The following B3GALT1 variants were observed in gnomAD, a reference collection of about 807,000 sequenced individuals.
B3GALT1 encodes the protein UDP-Gal:betaGlcNAc beta 1,3-galactosyltransferase, polypeptide 1.
A neutral mutation model predicts 23.2 loss-of-function variants in B3GALT1; 10 were observed. The observed-to-expected ratio is 0.43, with a 90% CI of 0.27 to 0.73. The LOEUF is 0.73. B3GALT1 is among the 30% of genes least tolerant of loss of function. B3GALT1 has a pLI of 0.21. For synonymous variants in B3GALT1, 156 were observed against 141.5 expected (o/e 1.10, Z -0.73); for missense variants, 299 against 405.4 (o/e 0.74, Z 2.25).
chr2:167,622,209 A>G (rs952237870), intron 2 of B3GALT1, among the ~76,000 whole-genome samples: 1 of 152,086 alleles, frequency 6.6e-6, no homozygotes, highest in African/African-American at 2.4e-5. Flanking sequence ...ACTTTAGCCA[A>G]TGATGATTAT....
chr2:167,664,430 G>C (rs896963085), intron 3 of B3GALT1, among the ~76,000 whole-genome samples: 2 of 152,022 alleles, frequency 1.3e-5, no homozygotes, highest in African/African-American at 4.8e-5. Context: ...GCTTAGGATT[G>C]ACTTGGCAAT....
intron 1 of B3GALT1, among the ~76,000 whole-genome samples, chr2:167,372,306 A>T (rs575326645): frequency 1.1e-4 from 16 of 152,214 alleles, no homozygotes; most frequent in South Asian, 2.1e-4. Context: ...TGAATTTTTT[A>T]AAAAATTTCA....
At chr2:167,641,412 C>A (rs1314302549) in intron 2 of B3GALT1, among the ~76,000 whole-genome samples, 2 of 152,116 alleles carry the variant, frequency 1.3e-5, no homozygotes, top group African/African-American at 2.4e-5. Context: ...TGACCAGGGG[C>A]AAGTTATTAA....
chr2:167,453,209 A>C lies in B3GALT1; in HGVS notation c.-510-36968A>C, dbSNP rs192379751. On this transcript the variant is annotated intron_variant, in intron 1 of 4. Coordinates refer to ENST00000392690, the MANE Select transcript of B3GALT1 (RefSeq NM_020981.4). ...GGCCTGATGTGCACACCTTCACTAT[A>C]AGATAAATGTGCTGGCGAGGCTAGC... Among the ~76,000 whole-genome samples the C allele has an allele frequency of 7.9e-5, 12 of 152,256 alleles. No individual in the cohort carries two copies. In the East Asian group the frequency reaches 2.3e-3, roughly 29 times the overall value.
intron 3 of B3GALT1, among the ~76,000 whole-genome samples, chr2:167,731,964 T>A (rs1558962123): frequency 1.3e-5 from 2 of 152,220 alleles, no homozygotes; most frequent in Non-Finnish European, 2.9e-5. Context: ...TGCTTTTGAC[T>A]TATGACGATT....
At chr2:167,384,257 G>C (rs1022884414) in intron 1 of B3GALT1, among the ~76,000 whole-genome samples, 1 of 152,034 alleles carries the variant, frequency 6.6e-6, no homozygotes, top group Non-Finnish European at 1.5e-5. Flanking sequence ...TATCTTTTCT[G>C]GATCCTTAAA....
At chr2:167,800,421 C>A (rs1688620013) in intron 3 of B3GALT1, among the ~76,000 whole-genome samples, 1 of 152,152 alleles carries the variant, frequency 6.6e-6, no homozygotes, top group East Asian at 1.9e-4. Context: ...ACTACCCTCC[C>A]CACACCCATT....
intron 1 of B3GALT1, among the ~76,000 whole-genome samples, chr2:167,349,934 C>T (rs992759977): frequency 2.6e-5 from 4 of 152,004 alleles, no homozygotes; most frequent in African/African-American, 9.7e-5. Context: ...AGGAATGTAA[C>T]CCCAATCAAT....
intron 1 of B3GALT1, among the ~76,000 whole-genome samples, chr2:167,472,195 G>A (rs1699426783): frequency 6.6e-6 from 1 of 152,186 alleles, no homozygotes; most frequent in South Asian, 2.1e-4. Flanking sequence ...CAATCGTTAT[G>A]TGTTGATGCT....
intron 1 of B3GALT1, among the ~76,000 whole-genome samples, chr2:167,351,808 A>C (rs1697312689): frequency 1.3e-5 from 2 of 152,200 alleles, no homozygotes; most frequent in African/African-American, 4.8e-5. Flanking sequence ...GTTTACTAAC[A>C]AGGATACAAA....
At chr2:167,441,321 T>A (rs896825576) in intron 1 of B3GALT1, among the ~76,000 whole-genome samples, 1 of 152,168 alleles carries the variant, frequency 6.6e-6, no homozygotes, top group Non-Finnish European at 1.5e-5. Flanking sequence ...AACTCTGAAG[T>A]GAGAAATTTT....
At chr2:167,444,253 G>C (rs897221024) in intron 1 of B3GALT1, among the ~76,000 whole-genome samples, 20 of 152,158 alleles carry the variant, frequency 1.3e-4, no homozygotes, top group African/African-American at 3.9e-4. Flanking sequence ...TTGATGTGCT[G>C]CTGGATTTGG....
intron 1 of B3GALT1, among the ~76,000 whole-genome samples, chr2:167,383,919 T>C (rs1559081128): frequency 1.3e-5 from 2 of 152,228 alleles, no homozygotes; most frequent in Non-Finnish European, 2.9e-5. Flanking sequence ...AAACATTTTA[T>C]TATGCATTTT....
chr2:167,372,664 A>G (rs1697704819), intron 1 of B3GALT1, among the ~76,000 whole-genome samples: 1 of 152,140 alleles, frequency 6.6e-6, no homozygotes, highest in African/African-American at 2.4e-5. Context: ...GCATACAAAA[A>G]TCAGTTATGA....
chr2:167,588,612 T>G (rs1684618592), intron 2 of B3GALT1, among the ~76,000 whole-genome samples: 1 of 152,246 alleles, frequency 6.6e-6, no homozygotes, highest in East Asian at 1.9e-4. Flanking sequence ...CTTTATTTGA[T>G]TACTGAGATA....
At chr2:167,436,481 A>T (rs1439955205) in intron 1 of B3GALT1, among the ~76,000 whole-genome samples, 1 of 152,088 alleles carries the variant, frequency 6.6e-6, no homozygotes, top group Non-Finnish European at 1.5e-5. Context: ...CCATCCCCTT[A>T]CCCTGATTGA....
At chr2:167,804,509 GATGTT>G (rs1280757337) in intron 3 of B3GALT1, among the ~76,000 whole-genome samples, 2 of 151,810 alleles carry the variant, frequency 1.3e-5, no homozygotes, top group Non-Finnish European at 2.9e-5. Context: ...CCCAGTGTGT[GATGTT>G]CCCCTTCCTG....
intron 2 of B3GALT1, among the ~76,000 whole-genome samples, chr2:167,610,076 G>A (rs1685033013): frequency 6.6e-6 from 1 of 152,040 alleles, no homozygotes; most frequent in South Asian, 2.1e-4. Context: ...GGAAAATGAG[G>A]ATATAGTTAA....
In B3GALT1 at chr2:167,805,936, G is replaced by C. The variant is rs550961405; in HGVS notation, c.-351-12736G>C. Among the ~76,000 whole-genome samples the C allele has an allele frequency of 6.8e-3, 1,030 of 152,042 alleles. 11 individuals carry two copies. Among genetic ancestry groups the C allele is most frequent in the Non-Finnish European group, 6.7e-3 (456 of 67,972 alleles). On this transcript the variant is annotated intron_variant, in intron 3 of 4. Transcript: ENST00000392690. ...CCTTGGGCAGTATGGCCATTTTCAC[G>C]ATATTGATTCTTCCTACCCATGAGC...
Sources: allele counts gnomAD v4.1 joint callset (sites outside exome capture counted in the v4.1 genomes callset), GRCh38; gene constraint gnomAD v4.1.1; transcripts MANE v1.5; gene names NCBI Gene and HGNC (gene_info 2026-07-23, HGNC 2026-07-21).